POC1B: variants seen among roughly 807,000 people sequenced by gnomAD.
POC1B encodes the protein POC1 centriolar protein homolog B.
POC1B carries 44 observed loss-of-function variants against 60.6 expected under a neutral mutation model. The ratio of observed to expected loss-of-function variants is 0.73; its 90% CI spans 0.57 to 0.93. The LOEUF is 0.93. POC1B is among the 40% of genes least tolerant of loss of function. The pLI is 0.00. For missense variants in POC1B, 555 were observed against 572.3 expected (o/e 0.97, Z 0.31); for synonymous variants, 180 against 198.9 (o/e 0.90, Z 0.80).
intron 3 of POC1B, among the ~76,000 whole-genome samples, chr12:89,496,252 A>C (rs923816762): frequency 6.6e-6 from 1 of 152,190 alleles, no homozygotes; most frequent in South Asian, 2.1e-4. Flanking sequence ...TTGTGCTCCT[A>C]TGAGAATCTA....
intron 10 of POC1B, among the ~76,000 whole-genome samples, chr12:89,435,878 A>G (rs1441514881): frequency 6.6e-6 from 1 of 152,098 alleles, no homozygotes; most frequent in East Asian, 1.9e-4. Context: ...TCTTTTCTCA[A>G]ACACGCATAT....
chr12:89,458,528 T>A (rs941893562), intron 10 of POC1B, among the ~76,000 whole-genome samples: 1 of 152,130 alleles, frequency 6.6e-6, no homozygotes, highest in Non-Finnish European at 1.5e-5. Flanking sequence ...TCACTGAAAC[T>A]CCTAATGAGA....
chr12:89,479,305 T>A (rs1440920671), intron 4 of POC1B, among the ~76,000 whole-genome samples: 1 of 152,214 alleles, frequency 6.6e-6, no homozygotes, highest in Non-Finnish European at 1.5e-5. Flanking sequence ...GGTTTTTTAT[T>A]TGAAATAAAA....
At position 89,436,202 on chromosome 12, in the gene POC1B, C is replaced by T. The variant is rs149345258; in HGVS notation, c.1114-10823G>A. Among the ~76,000 whole-genome samples, 196 of 152,116 alleles carry T rather than the reference C, an allele frequency of 1.3e-3. 1 individual carries two copies. Among genetic ancestry groups the T allele is most frequent in the African/African-American group, 4.4e-3 (182 of 41,490 alleles). On this transcript the variant is annotated intron_variant, in intron 10 of 11. Transcript: ENST00000313546. ...TCTTGACCTTGTGATCCACCCATCT[C>T]GGCCTTCCAAAGTGCTGGGATTACA...
chr12:89,502,636 G>A, intron 2 of POC1B: 1 of 1,324,528 alleles, frequency 7.5e-7, no homozygotes, highest in Non-Finnish European at 1.1e-6. Context: ...ATCTTGTAAG[G>A]CCACAAGATA....
the POC1B span, among the ~76,000 whole-genome samples, chr12:89,407,206 ATTTTTCT>A: frequency 1.4e-5 from 2 of 143,784 alleles, no homozygotes; most frequent in South Asian, 4.7e-4. Context: ...CTTGATATTG[ATTTTTCT>A]TTTTTCTTTT....
At chr12:89,515,278 T>A (rs1026143705) in intron 2 of POC1B, among the ~76,000 whole-genome samples, 1 of 151,980 alleles carries the variant, frequency 6.6e-6, no homozygotes, top group South Asian at 2.1e-4. Context: ...CAGACAAATA[T>A]ATCATTGTAT....
chr12:89,508,566 G>A (rs1207256133), intron 2 of POC1B, among the ~76,000 whole-genome samples: 1 of 152,142 alleles, frequency 6.6e-6, no homozygotes, highest in Admixed American at 6.5e-5. Context: ...TGGTTTAGGT[G>A]ATCCTACCTC....
At chr12:89,402,160 C>T in the POC1B span, among the ~76,000 whole-genome samples, 1 of 152,170 alleles carries the variant, frequency 6.6e-6, no homozygotes, top group Non-Finnish European at 1.5e-5. Context: ...TCCCTTCCTT[C>T]CCGTCCCTTA....
At chr12:89,455,637 A>C (rs1355826368) in intron 10 of POC1B, among the ~76,000 whole-genome samples, 1 of 152,238 alleles carries the variant, frequency 6.6e-6, no homozygotes, top group African/African-American at 2.4e-5. Context: ...GATTGATAGA[A>C]TATCAAAAGA....
chr12:89,444,042 A>G (rs1881653960), intron 10 of POC1B, among the ~76,000 whole-genome samples: 2 of 152,200 alleles, frequency 1.3e-5, no homozygotes, highest in Non-Finnish European at 1.5e-5. Context: ...CATCCTCCCA[A>G]GACTAAACTA....
At chr12:89,432,335 C>G (rs11105286) in intron 10 of POC1B, among the ~76,000 whole-genome samples, 39,221 of 142,496 alleles carry the variant, frequency 0.28, 5,486 homozygotes, top group South Asian at 0.36. Flanking sequence ...GCAGTGAGCC[C>G]AGATCGAGCC....
intron 9 of POC1B, chr12:89,461,085 CT>C (rs1465047596): frequency 6.6e-6 from 1 of 151,904 alleles, no homozygotes; most frequent in Non-Finnish European, 1.5e-5. Context: ...GAAGAATTGT[CT>C]TGGGCCACAC....
chr12:89,422,351 T>C (rs951434839), intron 11 of POC1B, among the ~76,000 whole-genome samples: 3 of 152,348 alleles, frequency 2.0e-5, no homozygotes, highest in South Asian at 4.1e-4. Flanking sequence ...CAAGAATTAA[T>C]GTGTCACTTA....
intron 2 of POC1B, chr12:89,500,089 G>C: frequency 7.2e-7 from 1 of 1,397,418 alleles, no homozygotes; most frequent in Non-Finnish European, 1.0e-6. Flanking sequence ...AGCGGGGCCG[G>C]AACATGGCTG....
At chr12:89,476,735 T>C (rs532344779) in intron 4 of POC1B, among the ~76,000 whole-genome samples, 1 of 138,558 alleles carries the variant, frequency 7.2e-6, no homozygotes, top group Non-Finnish European at 1.6e-5. Flanking sequence ...GATAGATAGA[T>C]AGATAGATAG....
At chr12:89,401,639 C>T in the POC1B span, among the ~76,000 whole-genome samples, 1 of 152,068 alleles carries the variant, frequency 6.6e-6, no homozygotes, top group Non-Finnish European at 1.5e-5. Flanking sequence ...AGATTGCTTG[C>T]CAGTTCCCTC....
chr12:89,497,031 G>C (rs1268215522), intron 3 of POC1B, 140 bp downstream of exon 3: 15 of 841,608 alleles, frequency 1.8e-5, no homozygotes, highest in Non-Finnish European at 2.5e-5. Context: ...GAATTAGTTT[G>C]ACTTTACCAC....
intron 9 of POC1B, among the ~76,000 whole-genome samples, chr12:89,460,433 G>A (rs950613540): frequency 2.6e-5 from 4 of 152,076 alleles, no homozygotes; most frequent in African/African-American, 4.8e-5. Context: ...CAGAATATTC[G>A]TAATGAGAAA....
Sources: gnomAD v4.1 joint callset for allele counts (sites outside exome capture counted in the v4.1 genomes callset) on GRCh38, gnomAD v4.1.1 for gene constraint, MANE v1.5 for transcripts, NCBI Gene and HGNC (gene_info 2026-07-23, HGNC 2026-07-21) for gene names.